The following TRPM8 variants were observed in gnomAD, a reference collection of about 807,000 sequenced individuals.
TRPM8 encodes the protein TRPM8 cationic channel.
TRPM8 carries 110 observed loss-of-function variants against 133.7 expected under a neutral mutation model. That is an observed-to-expected ratio of 0.82 (90% CI 0.70 to 0.96). The LOEUF (loss-of-function observed/expected upper bound fraction) is 0.96, where lower values mean the gene tolerates loss of function less well. TRPM8 is among the 40% of genes least tolerant of loss of function. The pLI is 0.00. For synonymous variants in TRPM8, 535 were observed against 532.3 expected, an observed-to-expected ratio of 1.01 and a Z score of -0.07; for missense variants, 1,291 against 1,379.5, an observed-to-expected ratio of 0.94 and a Z score of 1.02.
chr2:233,933,395 G>C (rs562773116), intron 3 of TRPM8, among the ~76,000 whole-genome samples: 135 of 152,320 alleles, frequency 8.9e-4, no homozygotes, highest in African/African-American at 3.1e-3. Context: ...CGTGAGGTCA[G>C]TGGCTACCAT....
At chr2:233,969,432 A>G (rs773741842) in intron 15 of TRPM8, among the ~76,000 whole-genome samples, 2 of 152,108 alleles carry the variant, frequency 1.3e-5, no homozygotes, top group African/African-American at 2.4e-5. Context: ...GGTTGTGGTG[A>G]GCTGAGATTG....
intron 2 of TRPM8, among the ~76,000 whole-genome samples, chr2:233,928,997 C>CTT (rs750819533): frequency 1.4e-4 from 16 of 117,782 alleles, no homozygotes; most frequent in African/African-American, 5.1e-4. Flanking sequence ...AGTTTCTTTT[C>CTT]TTTTTTTTTT....
At chr2:234,001,098 T>C (rs140503982) in intron 22 of TRPM8, among the ~76,000 whole-genome samples, 112 of 152,300 alleles carry the variant, frequency 7.4e-4, no homozygotes, top group African/African-American at 2.6e-3. Context: ...GGCCTATGCA[T>C]TCACATTTCT....
At chr2:233,922,033 G>A (rs534935564) in intron 1 of TRPM8, among the ~76,000 whole-genome samples, 23 of 152,234 alleles carry the variant, frequency 1.5e-4, no homozygotes, top group African/African-American at 5.1e-4. Context: ...GACTACTACT[G>A]TTTATACTCT....
At position 234,008,190 on chromosome 2, in the gene TRPM8, A is replaced by G. The variant is rs28902234; in HGVS notation, c.3264+87A>G. The G allele has an allele frequency of 0.021, 27,709 of 1,309,724 alleles. 843 individuals carry two copies. The highest frequency in any genetic ancestry group is 0.12 in the Admixed American group (5,207 of 44,792). The allele number at this position is 1,309,724 out of a possible 1,614,324, so 81.1% of individuals were successfully genotyped here. A position where few individuals can be genotyped will look rare whatever the true frequency, so the allele number is the denominator to read the frequency against. On this transcript the variant is annotated intron_variant, in intron 24 of 25. Transcript: ENST00000324695. The stretch of plus-strand genomic sequence containing the variant: ...CAGCTAGAGGCCAGTAGTTGTGATA[A>G]TAAAAGAAGTTATATTCAGCTTTCT...
At position 234,018,845 on chromosome 2, in the gene TRPM8, A is replaced by AAAATAAATAAATAAATAAAT. The variant is rs55805312; in HGVS notation, c.*1607_*1626dup. 2.0e-3 allele frequency: 281 copies of AAAATAAATAAATAAATAAAT among 141,888 alleles called. 2 individuals carry two copies. Among genetic ancestry groups the AAAATAAATAAATAAATAAAT allele is most frequent in the African/African-American group, 5.6e-3 (211 of 37,732 alleles). 8.8% of individuals were successfully genotyped at this position (141,888 alleles called of 1,614,324 possible). A position where few individuals can be genotyped will look rare whatever the true frequency, so the allele number is the denominator to read the frequency against. On this transcript the variant is annotated 3_prime_UTR_variant, in exon 26 of 26. Coordinates refer to ENST00000324695, the MANE Select transcript of TRPM8 (RefSeq NM_024080.5). ...GGGTGACAGAGTGAGACTCCGACTG[A>AAAATAAATAAATAAATAAAT]AAATAAATAAATAAATAAATAAATA...
chr2:234,012,816 C>A (rs1454620335), intron 24 of TRPM8, among the ~76,000 whole-genome samples: 1 of 145,734 alleles, frequency 6.9e-6, no homozygotes, highest in African/African-American at 2.5e-5. Context: ...CTTTTTTTTT[C>A]TTTTATCATG....
chr2:233,941,714 T>C (rs11898669), intron 5 of TRPM8, among the ~76,000 whole-genome samples: 6,345 of 152,146 alleles, frequency 0.042, 425 homozygotes, highest in African/African-American at 0.14. Context: ...TTTTAGGTAT[T>C]GTATTTGTTG....
intron 15 of TRPM8, among the ~76,000 whole-genome samples, chr2:233,969,104 A>C (rs1574739291): frequency 6.6e-6 from 1 of 152,162 alleles, no homozygotes; most frequent in East Asian, 1.9e-4. Flanking sequence ...TTGGATAAAA[A>C]TTCCTAGGTT....
rs1361745032 is a variant in TRPM8 at position 233,927,841 on chromosome 2, TTCCTTCCTTC to T, written c.117+1188_117+1197del. Among the ~76,000 whole-genome samples the T allele has an allele frequency of 3.4e-4, 29 of 85,904 alleles. 2 individuals are homozygous for T. The highest frequency in any genetic ancestry group is 4.1e-4 in the Non-Finnish European group (19 of 45,996). The allele number at this position is 85,904 out of a possible 152,430, so 56.4% of individuals were successfully genotyped here. ...CTTCCTTCCTTCCTTCCTTCCTTCC[TTCCTTCCTTC>T]CTTTCTTTCTCTTTCTTTCTTTCTT... On this transcript the variant is annotated intron_variant, in intron 2 of 25. Transcript: ENST00000324695.
chr2:233,975,877 A>C (rs962458622), intron 17 of TRPM8, among the ~76,000 whole-genome samples: 6 of 145,286 alleles, frequency 4.1e-5, no homozygotes, highest in African/African-American at 1.5e-4. Flanking sequence ...GTGAGACTCC[A>C]CCTCAAACAA....
rs562218656 is a variant in TRPM8 at position 233,965,535 on chromosome 2, G to A, written c.1879+778G>A. Among the ~76,000 whole-genome samples the A allele has an allele frequency of 4.6e-5, 7 of 152,290 alleles. No homozygotes were observed. In the South Asian group the frequency reaches 1.5e-3, roughly 32 times the overall value. ...TACCTCTAAACAGCATTTTAAATGA[G>A]AATTTCAGGCCTGCTCAGTTTTTTC... On this transcript the variant is annotated intron_variant, in intron 14 of 25. Coordinates refer to ENST00000324695, the MANE Select transcript of TRPM8 (RefSeq NM_024080.5).
At chr2:233,943,339 C>G (rs1442961392) in intron 6 of TRPM8, among the ~76,000 whole-genome samples, 1 of 151,978 alleles carries the variant, frequency 6.6e-6, no homozygotes, top group Non-Finnish European at 1.5e-5. Context: ...CAGTGATAGG[C>G]TGGATTAAGA....
chr2:233,974,578 C>A (rs1402523448), intron 17 of TRPM8, among the ~76,000 whole-genome samples: 1 of 152,168 alleles, frequency 6.6e-6, no homozygotes, highest in Admixed American at 6.5e-5. Context: ...CCTTGGAGGG[C>A]AGCCCGCTGG....
At position 233,963,343 on chromosome 2, in the gene TRPM8, A is replaced by G. The variant is rs201960730; in HGVS notation, c.1715A>G (p.Asn572Ser). The G allele has an allele frequency of 6.2e-7, 1 of 1,613,432 alleles. No individual in the cohort carries two copies. Among genetic ancestry groups the G allele is most frequent in the Non-Finnish European group, 8.5e-7 (1 of 1,179,686 alleles). ...CTCTTCATCTGGGCCATTCTTCAGAATAAGAAGGAACTCTCCAAAGTCATT... is the reference window on the plus strand; with the variant it reads ...CTCTTCATCTGGGCCATTCTTCAGAGTAAGAAGGAACTCTCCAAAGTCATT... ...QALFIWAILQ[N>S]KKELSKVIWE... Residue 572 changes from asparagine (N) to serine (S), a missense_variant, in exon 13 of 26, where the codon AAT becomes AGT. Physicochemically the swap from Asn to Ser is conservative, Grantham distance 46. Coordinates refer to ENST00000324695, the MANE Select transcript of TRPM8 (RefSeq NM_024080.5).
chr2:233,980,538 AT>A (rs1230739379), intron 18 of TRPM8, among the ~76,000 whole-genome samples: 3 of 151,816 alleles, frequency 2.0e-5, no homozygotes, highest in African/African-American at 7.3e-5. Context: ...GGGGAGAATT[AT>A]TTTTTTTAAG....
At chr2:233,983,762 G>A (rs530456344) in intron 20 of TRPM8, among the ~76,000 whole-genome samples, 3 of 152,278 alleles carry the variant, frequency 2.0e-5, no homozygotes, top group Admixed American at 1.3e-4. Flanking sequence ...TTGGATGGAC[G>A]GGCTGAAGCA....
intron 3 of TRPM8, among the ~76,000 whole-genome samples, chr2:233,933,279 A>G (rs994498114): frequency 1.3e-5 from 2 of 152,220 alleles, no homozygotes; most frequent in African/African-American, 4.8e-5. Context: ...TACGGTAGCC[A>G]CTAGCCACAT....
chr2:233,921,513 G>A (rs193127091), intron 1 of TRPM8, among the ~76,000 whole-genome samples: 3 of 152,240 alleles, frequency 2.0e-5, no homozygotes, highest in East Asian at 1.9e-4. Flanking sequence ...GATGAGGGCC[G>A]CCATCCAGAC....
Sources: allele counts gnomAD v4.1 joint callset (sites outside exome capture counted in the v4.1 genomes callset), GRCh38; gene constraint gnomAD v4.1.1; transcripts MANE v1.5; gene names NCBI Gene and HGNC (gene_info 2026-07-23, HGNC 2026-07-21).